The following CTDSPL variants were observed in gnomAD, a reference collection of about 807,000 sequenced individuals.
CTDSPL encodes the protein CTD small phosphatase like, also known as CTD small phosphatase-like protein.
In CTDSPL, 8 loss-of-function variants were observed where a neutral mutation model predicts 30.5. The observed-to-expected ratio is 0.26, with a 90% CI of 0.15 to 0.47. CTDSPL has a LOEUF of 0.47. CTDSPL is among the 20% of genes least tolerant of loss of function. The probability of loss-of-function intolerance (pLI) is 0.99; values close to 1 mark genes in which losing one functional copy is unlikely to be tolerated. For missense variants in CTDSPL, 248 were observed against 366.1 expected, an observed-to-expected ratio of 0.68 and a Z score of 2.63; for synonymous variants, 110 against 137.9, an observed-to-expected ratio of 0.80 and a Z score of 1.42.
chr3:37,931,997 A>T (rs1170410833), intron 1 of CTDSPL, among the ~76,000 whole-genome samples: 1 of 152,058 alleles, frequency 6.6e-6, no homozygotes, highest in Non-Finnish European at 1.5e-5. Context: ...AAAAAAAAGT[A>T]AAAGGGAGAC....
chr3:37,936,656 T>TAAAAA (rs577097327), intron 1 of CTDSPL, among the ~76,000 whole-genome samples: 1 of 94,786 alleles, frequency 1.1e-5, no homozygotes, highest in South Asian at 3.9e-4. Flanking sequence ...TCTCCCCAGT[T>TAAAAA]AAAAAAAAAA....
intron 1 of CTDSPL, among the ~76,000 whole-genome samples, chr3:37,934,716 A>G (rs576211436): frequency 2.0e-5 from 3 of 152,372 alleles, no homozygotes; most frequent in East Asian, 3.9e-4. Flanking sequence ...GGAGGCTTGC[A>G]GTAGACAAGA....
At chr3:37,980,184 C>T (rs1451825885) in intron 7 of CTDSPL, among the ~76,000 whole-genome samples, 1 of 152,220 alleles carries the variant, frequency 6.6e-6, no homozygotes, top group Non-Finnish European at 1.5e-5. Flanking sequence ...AAAATCCTGT[C>T]TTTGCCCATA....
intron 1 of CTDSPL, among the ~76,000 whole-genome samples, chr3:37,914,639 T>G (rs1404033622): frequency 1.3e-5 from 2 of 152,208 alleles, no homozygotes; most frequent in Non-Finnish European, 2.9e-5. Context: ...ATTCCTGCAA[T>G]AAAATTAATT....
At chr3:37,880,172 G>T (rs1698187236) in intron 1 of CTDSPL, among the ~76,000 whole-genome samples, 1 of 149,940 alleles carries the variant, frequency 6.7e-6, no homozygotes, top group Admixed American at 6.7e-5. Flanking sequence ...TCTTCCAAAA[G>T]CCTTAAGATA....
At chr3:37,957,272 C>G (rs1559644144) in intron 3 of CTDSPL, 129 bp downstream of exon 3, 1 of 603,398 alleles carries the variant, frequency 1.7e-6, no homozygotes, top group Non-Finnish European at 2.8e-6. Context: ...ATAAACAGCT[C>G]TGTTCTGTTA....
At chr3:37,899,482 C>A (rs758382285) in intron 1 of CTDSPL, among the ~76,000 whole-genome samples, 1 of 152,314 alleles carries the variant, frequency 6.6e-6, no homozygotes, top group African/African-American at 2.4e-5. Context: ...TGAATTACGA[C>A]CATCCTGTGG....
intron 6 of CTDSPL, among the ~76,000 whole-genome samples, chr3:37,972,899 C>A (rs1699383720): frequency 6.6e-6 from 1 of 152,244 alleles, no homozygotes. Context: ...TTGCCTGTCT[C>A]CAGGACATCA....
At chr3:37,941,386 G>A (rs925292537) in intron 1 of CTDSPL, among the ~76,000 whole-genome samples, 1 of 149,402 alleles carries the variant, frequency 6.7e-6, no homozygotes, top group Non-Finnish European at 1.5e-5. Flanking sequence ...TGCTGGGACC[G>A]GCTATGGGCA....
chr3:37,915,436 C>G (rs1480196992), intron 1 of CTDSPL, among the ~76,000 whole-genome samples: 2 of 152,132 alleles, frequency 1.3e-5, no homozygotes, highest in Non-Finnish European at 2.9e-5. Context: ...ATTAGTCCTG[C>G]TCACTACTCC....
At chr3:37,920,531 A>G (rs963740338) in intron 1 of CTDSPL, among the ~76,000 whole-genome samples, 13 of 152,200 alleles carry the variant, frequency 8.5e-5, no homozygotes, top group Non-Finnish European at 2.9e-5. Context: ...ATGGTTTAAC[A>G]TCAGGGTGGG....
rs1311995317 is a variant in CTDSPL at position 37,861,999 on chromosome 3, C to T, written c.-201C>T. 1 of 145,894 alleles carries T rather than the reference C, an allele frequency of 6.9e-6. No individual in the cohort carries two copies. The highest frequency in any genetic ancestry group is 1.5e-5 in the Non-Finnish European group (1 of 65,958). The allele number at this position is 145,894 out of a possible 1,614,324, so 9.0% of individuals were successfully genotyped here. On this transcript the variant is annotated 5_prime_UTR_variant, in exon 1 of 8. Transcript: ENST00000273179. ...TCATGGTGACGAGGCGGCGGCCGCT[C>T]GAGCCCAGCGGCGGCGGCGGCGGGA...
At chr3:37,947,575 A>AAAAACAG in intron 2 of CTDSPL, among the ~76,000 whole-genome samples, 1 of 152,210 alleles carries the variant, frequency 6.6e-6, no homozygotes, top group Non-Finnish European at 1.5e-5. Flanking sequence ...ACAAAAAACA[A>AAAAACAG]AAAGAAAAGA....
intron 1 of CTDSPL, among the ~76,000 whole-genome samples, chr3:37,919,633 A>T (rs1296517620): frequency 1.3e-5 from 2 of 152,214 alleles, no homozygotes; most frequent in Non-Finnish European, 2.9e-5. Context: ...GGAAGGCTGC[A>T]GTTTCAAGAG....
At chr3:37,971,639 G>A in intron 6 of CTDSPL, 140 bp downstream of exon 6, 1 of 714,798 alleles carries the variant, frequency 1.4e-6, no homozygotes, top group Non-Finnish European at 2.4e-6. Flanking sequence ...CAGATGGGAT[G>A]GATGCAGGCC....
intron 1 of CTDSPL, among the ~76,000 whole-genome samples, chr3:37,869,922 A>G (rs1051835801): frequency 1.3e-5 from 2 of 152,146 alleles, no homozygotes; most frequent in African/African-American, 4.8e-5. Flanking sequence ...TGATTTTTGA[A>G]TATTGAACCA....
At chr3:37,912,292 G>A (rs1015552518) in intron 1 of CTDSPL, among the ~76,000 whole-genome samples, 1 of 152,162 alleles carries the variant, frequency 6.6e-6, no homozygotes, top group African/African-American at 2.4e-5. Flanking sequence ...CTACCTTCCA[G>A]GCATGTGTTT....
intron 1 of CTDSPL, among the ~76,000 whole-genome samples, chr3:37,935,309 A>G (rs950557627): frequency 6.6e-6 from 1 of 151,692 alleles, no homozygotes; most frequent in African/African-American, 2.4e-5. Flanking sequence ...TATCATTTCT[A>G]TTCATTTAAT....
intron 7 of CTDSPL, among the ~76,000 whole-genome samples, chr3:37,978,291 A>G (rs1699451901): frequency 6.6e-6 from 1 of 152,182 alleles, no homozygotes; most frequent in South Asian, 2.1e-4. Context: ...ACCTTTGGCT[A>G]TGGACACTAA....
Sources: gnomAD v4.1 joint callset for allele counts (sites outside exome capture counted in the v4.1 genomes callset) on GRCh38, gnomAD v4.1.1 for gene constraint, MANE v1.5 for transcripts, NCBI Gene and HGNC (gene_info 2026-07-23, HGNC 2026-07-21) for gene names.